Variants in RGS6 observed in about 807,000 individuals in gnomAD.
The protein encoded by RGS6 is regulator of G protein signaling 6.
RGS6 carries 30 observed loss-of-function variants against 78.5 expected under a neutral mutation model. That is an observed-to-expected ratio of 0.38 (90% CI 0.29 to 0.52). RGS6 has a LOEUF of 0.52. Ranked by LOEUF, RGS6 falls within the 20% of genes least tolerant of loss-of-function variation. RGS6 has a pLI of 0.85. For missense variants in RGS6, 495 were observed against 609.7 expected (o/e 0.81, Z 1.98); for synonymous variants, 206 against 206.0 (o/e 1.00, Z 0.00).
intron 17 of RGS6, among the ~76,000 whole-genome samples, chr14:72,556,823 CTCT>C (rs1367017800): frequency 6.6e-6 from 1 of 152,052 alleles, no homozygotes; most frequent in African/African-American, 2.4e-5. Context: ...CAGTGAACGT[CTCT>C]TTTTTGATTA....
intron 12 of RGS6, among the ~76,000 whole-genome samples, chr14:72,486,904 G>A (rs2096496769): frequency 6.6e-6 from 1 of 152,122 alleles, no homozygotes; most frequent in African/African-American, 2.4e-5. Context: ...TAAGGGAAGA[G>A]GAGATCGCCT....
At chr14:71,925,573 T>G in the RGS6 span, among the ~76,000 whole-genome samples, 9 of 152,158 alleles carry the variant, frequency 5.9e-5, no homozygotes, top group African/African-American at 2.2e-4. Flanking sequence ...TTGAGTTGAC[T>G]TTTGTCTATG....
chr14:72,378,120 G>A (rs774620308), intron 3 of RGS6, among the ~76,000 whole-genome samples: 8 of 152,102 alleles, frequency 5.3e-5, no homozygotes, highest in Non-Finnish European at 8.8e-5. Context: ...AGTGAGTGAA[G>A]GAAAAAATTT....
At chr14:72,420,505 T>C (rs961775937) in intron 3 of RGS6, among the ~76,000 whole-genome samples, 4 of 152,244 alleles carry the variant, frequency 2.6e-5, no homozygotes, top group Admixed American at 2.6e-4. Flanking sequence ...TATAGTATGA[T>C]TCCTGTTCCC....
intron 2 of RGS6, among the ~76,000 whole-genome samples, chr14:72,033,988 G>A (rs760240069): frequency 6.6e-6 from 1 of 152,050 alleles, no homozygotes; most frequent in East Asian, 1.9e-4. Flanking sequence ...TTTTTGATTA[G>A]CGTTTTCTTG....
intron 12 of RGS6, among the ~76,000 whole-genome samples, chr14:72,489,161 C>CCG (rs1555431755): frequency 1.3e-5 from 2 of 150,018 alleles, no homozygotes; most frequent in South Asian, 4.4e-4. Context: ...AGGGGGCCCC[C>CCG]CCACCGGCTG....
the RGS6 span, among the ~76,000 whole-genome samples, chr14:71,920,632 C>T: frequency 1.4e-4 from 13 of 92,400 alleles, no homozygotes; most frequent in East Asian, 9.3e-4. Context: ...CGCACACGCG[C>T]GTGCACACAC....
the RGS6 span, among the ~76,000 whole-genome samples, chr14:72,617,284 A>G: frequency 6.6e-6 from 1 of 152,172 alleles, no homozygotes; most frequent in Non-Finnish European, 1.5e-5. Flanking sequence ...CATTTGGGGA[A>G]CTTTTTTTTC....
At chr14:72,251,179 G>A (rs972945444) in intron 2 of RGS6, among the ~76,000 whole-genome samples, 7 of 152,232 alleles carry the variant, frequency 4.6e-5, no homozygotes, top group Non-Finnish European at 1.0e-4. Context: ...GGGCAGAACT[G>A]CAAAGCAAAC....
chr14:72,408,885 G>A (rs1028610127), intron 3 of RGS6, among the ~76,000 whole-genome samples: 4 of 152,134 alleles, frequency 2.6e-5, no homozygotes, highest in African/African-American at 9.7e-5. Flanking sequence ...TGGACACCTG[G>A]GACACACCTT....
At chr14:72,119,940 G>C (rs781127883) in intron 2 of RGS6, among the ~76,000 whole-genome samples, 3 of 152,218 alleles carry the variant, frequency 2.0e-5, no homozygotes, top group Non-Finnish European at 2.9e-5. Flanking sequence ...CAAAGGTGAG[G>C]AGTGGAGTGT....
chr14:72,018,098 A>G (rs928846429), intron 2 of RGS6, among the ~76,000 whole-genome samples: 2 of 152,174 alleles, frequency 1.3e-5, no homozygotes, highest in Admixed American at 6.5e-5. Context: ...TGCAAAGGAC[A>G]TGATCTCATT....
intron 2 of RGS6, among the ~76,000 whole-genome samples, chr14:72,222,966 C>T (rs1333424481): frequency 4.6e-5 from 7 of 152,166 alleles, no homozygotes; most frequent in African/African-American, 1.4e-4. Context: ...GGCCTTTCTT[C>T]GTATCACAAA....
At chr14:72,513,557 C>T (rs950061634) in intron 14 of RGS6, among the ~76,000 whole-genome samples, 2 of 152,196 alleles carry the variant, frequency 1.3e-5, no homozygotes, top group African/African-American at 2.4e-5. Context: ...TGTTGAGTGC[C>T]TTGGGAATGC....
intron 2 of RGS6, among the ~76,000 whole-genome samples, chr14:71,984,101 G>A (rs2094578494): frequency 6.6e-6 from 1 of 152,132 alleles, no homozygotes; most frequent in African/African-American, 2.4e-5. Context: ...AGATACTGCA[G>A]TGGGGGCTAT....
the RGS6 span, among the ~76,000 whole-genome samples, chr14:71,875,920 A>G: frequency 4.9e-4 from 75 of 152,292 alleles, 2 homozygotes; most frequent in South Asian, 0.015. Flanking sequence ...GTCATTCAGG[A>G]GCATGTTGTT....
At chr14:72,310,062 T>C (rs1395513418) in intron 2 of RGS6, among the ~76,000 whole-genome samples, 1 of 152,188 alleles carries the variant, frequency 6.6e-6, no homozygotes, top group African/African-American at 2.4e-5. Flanking sequence ...AATCCTTTCC[T>C]CTCCGCCAGC....
chr14:71,928,678 G>C (rs2087755059), upstream of RGS6, among the ~76,000 whole-genome samples: 1 of 152,152 alleles, frequency 6.6e-6, no homozygotes, highest in African/African-American at 2.4e-5. Context: ...CTCCTCACTT[G>C]ATAATGAAGT....
At chr14:72,422,836 G>A (rs1005968718) in intron 3 of RGS6, among the ~76,000 whole-genome samples, 9 of 152,146 alleles carry the variant, frequency 5.9e-5, no homozygotes, top group South Asian at 2.1e-4. Context: ...GGATGGAGGC[G>A]GAGATCCAGG....
Sources: allele counts gnomAD v4.1 joint callset (sites outside exome capture counted in the v4.1 genomes callset), GRCh38; gene constraint gnomAD v4.1.1; transcripts MANE v1.5; gene names NCBI Gene and HGNC (gene_info 2026-07-23, HGNC 2026-07-21).